PRKG1: variants seen among roughly 807,000 people sequenced by gnomAD.
PRKG1 encodes the protein cGMP-dependent protein kinase 1.
A neutral mutation model predicts 88.1 loss-of-function variants in PRKG1; 35 were observed. That is an observed-to-expected ratio of 0.40 (90% CI 0.30 to 0.53). The LOEUF (loss-of-function observed/expected upper bound fraction) is 0.53. Among genes scored for constraint, PRKG1 ranks in the 20% least tolerant of loss-of-function variants. PRKG1 has a pLI of 0.59. For missense variants in PRKG1, 540 were observed against 839.8 expected, an observed-to-expected ratio of 0.64 and a Z score of 4.41; for synonymous variants, 303 against 292.5, an observed-to-expected ratio of 1.04 and a Z score of -0.37.
chr10:51,830,976 T>C (rs1839993382), intron 4 of PRKG1, among the ~76,000 whole-genome samples: 1 of 152,074 alleles, frequency 6.6e-6, no homozygotes, highest in Non-Finnish European at 1.5e-5. Flanking sequence ...TTTGCCTTTT[T>C]CCTTACCAGT....
At chr10:52,150,185 T>TAATAATAATAATAA (rs771689961) in intron 8 of PRKG1, among the ~76,000 whole-genome samples, 16 of 149,634 alleles carry the variant, frequency 1.1e-4, no homozygotes, top group East Asian at 3.9e-4. Flanking sequence ...ATAATAATAA[T>TAATAATAATAATAA]TTGATTGGCC....
intron 2 of PRKG1, among the ~76,000 whole-genome samples, chr10:51,465,969 G>A (rs1477699973): frequency 2.0e-5 from 3 of 152,178 alleles, no homozygotes; most frequent in Admixed American, 6.5e-5. Context: ...TGAAATAGGT[G>A]CTTTTATTGT....
intron 3 of PRKG1, among the ~76,000 whole-genome samples, chr10:51,649,083 A>G (rs1453661623): frequency 1.3e-5 from 2 of 152,152 alleles, no homozygotes; most frequent in African/African-American, 4.8e-5. Flanking sequence ...TAATTAATCA[A>G]TATATGAATT....
Position 51,226,957 on chromosome 10 carries a change from C to T in PRKG1, c.478+73627C>T, listed in dbSNP as rs141071911. On this transcript the variant is annotated intron_variant, in intron 2 of 17. Transcript: ENST00000373980. Reference sequence around the variant, plus strand: ...CCCAGCAACAATTGGACAAGCCCACCGACCACTTGGTGACATTTTCCACTA... The same window carrying T: ...CCCAGCAACAATTGGACAAGCCCACTGACCACTTGGTGACATTTTCCACTA... Among the ~76,000 whole-genome samples the T allele has an allele frequency of 1.9e-3, 296 of 152,104 alleles. 1 individual carries two copies. The highest frequency in any genetic ancestry group is 6.9e-3 in the African/African-American group (288 of 41,492).
At chr10:51,469,335 A>T (rs1048282262) in intron 3 of PRKG1, among the ~76,000 whole-genome samples, 3 of 151,826 alleles carry the variant, frequency 2.0e-5, no homozygotes, top group Non-Finnish European at 2.9e-5. Flanking sequence ...TAAATATTTC[A>T]GGCTTGTACA....
chr10:52,166,725 G>T (rs1372179693), intron 9 of PRKG1, among the ~76,000 whole-genome samples: 6 of 146,522 alleles, frequency 4.1e-5, no homozygotes, highest in Admixed American at 6.9e-5. Context: ...TATCTTTGAT[G>T]TCTTAATTGC....
chr10:51,767,854 T>C (rs1838207621), intron 3 of PRKG1, among the ~76,000 whole-genome samples: 2 of 152,072 alleles, frequency 1.3e-5, no homozygotes, highest in South Asian at 4.1e-4. Flanking sequence ...GAAGACATTA[T>C]AAACCCTCCA....
chr10:50,998,985 A>T (rs1842861493), intron 1 of PRKG1, among the ~76,000 whole-genome samples: 1 of 152,226 alleles, frequency 6.6e-6, no homozygotes, highest in African/African-American at 2.4e-5. Flanking sequence ...TGGATCACCA[A>T]CTTTGGGGTA....
intron 3 of PRKG1, among the ~76,000 whole-genome samples, chr10:51,716,898 A>ATGTT (rs1410391043): frequency 6.6e-6 from 1 of 152,104 alleles, no homozygotes; most frequent in Non-Finnish European, 1.5e-5. Flanking sequence ...GAGTTTCACT[A>ATGTT]TGTTGGCCAG....
intron 5 of PRKG1, among the ~76,000 whole-genome samples, chr10:52,040,407 G>A (rs1040918823): frequency 1.3e-4 from 20 of 152,168 alleles, no homozygotes; most frequent in African/African-American, 4.3e-4. Flanking sequence ...AATTGCCTTT[G>A]TAAATCAAAT....
At chr10:51,889,286 A>G (rs1333968052) in intron 4 of PRKG1, among the ~76,000 whole-genome samples, 7 of 133,282 alleles carry the variant, frequency 5.3e-5, no homozygotes, top group African/African-American at 1.4e-4. Context: ...TTCAATTCCC[A>G]CCTATGAGTG....
Position 51,371,385 on chromosome 10 carries a change from GA to G in PRKG1, c.479-96329del, listed in dbSNP as rs200272224. Among the ~76,000 whole-genome samples the G allele has an allele frequency of 5.8e-3, 876 of 150,188 alleles. 9 individuals carry two copies. The East Asian group carries it at 0.058, about 10-fold the overall frequency. ...GACCCATCTCTTTAAAAAAATAAAA[GA>G]AAAAAAAACATGAGGACAATAATTA... On this transcript the variant is annotated intron_variant, in intron 2 of 17. Transcript: ENST00000373980.
At chr10:51,117,065 C>T (rs887016441) in intron 1 of PRKG1, among the ~76,000 whole-genome samples, 1 of 152,182 alleles carries the variant, frequency 6.6e-6, no homozygotes, top group African/African-American at 2.4e-5. Context: ...TTGTTCTGCT[C>T]TCTCTTATTG....
intron 2 of PRKG1, among the ~76,000 whole-genome samples, chr10:51,436,528 A>T (rs868219466): frequency 3.3e-5 from 5 of 152,096 alleles, no homozygotes; most frequent in Middle Eastern, 3.4e-3. Context: ...CATAAGCAAG[A>T]CATTTCAAGT....
At chr10:52,145,945 T>A (rs1373255451) in intron 8 of PRKG1, among the ~76,000 whole-genome samples, 1 of 152,156 alleles carries the variant, frequency 6.6e-6, no homozygotes, top group Non-Finnish European at 1.5e-5. Flanking sequence ...AGTACAATGA[T>A]CATATTAGCC....
intron 1 of PRKG1, among the ~76,000 whole-genome samples, chr10:51,151,688 T>A (rs1460175300): frequency 6.6e-6 from 1 of 152,006 alleles, no homozygotes; most frequent in Non-Finnish European, 1.5e-5. Flanking sequence ...ACACTCCTCA[T>A]AAACAAAATT....
intron 3 of PRKG1, among the ~76,000 whole-genome samples, chr10:51,481,318 G>C (rs946791767): frequency 6.6e-6 from 1 of 151,766 alleles, no homozygotes; most frequent in African/African-American, 2.4e-5. Flanking sequence ...CATGATCTCA[G>C]CTCACTGCAA....
At chr10:51,901,696 A>G (rs191478700) in intron 4 of PRKG1, among the ~76,000 whole-genome samples, 1 of 152,314 alleles carries the variant, frequency 6.6e-6, no homozygotes, top group East Asian at 1.9e-4. Flanking sequence ...CTTTTTCTTT[A>G]AAGTCTGAAT....
chr10:51,277,145 G>A (rs1840145162), intron 2 of PRKG1, among the ~76,000 whole-genome samples: 1 of 152,242 alleles, frequency 6.6e-6, no homozygotes, highest in Non-Finnish European at 1.5e-5. Flanking sequence ...TGTATAAGGT[G>A]TAAGGTAGGG....
Sources: gnomAD v4.1 joint callset for allele counts (sites outside exome capture counted in the v4.1 genomes callset) on GRCh38, gnomAD v4.1.1 for gene constraint, MANE v1.5 for transcripts, NCBI Gene and HGNC (gene_info 2026-07-23, HGNC 2026-07-21) for gene names.